Variants in CCDC30 observed in about 807,000 individuals in gnomAD.
CCDC30 encodes coiled-coil domain containing 30, also known as coiled-coil domain-containing protein 30.
Under a neutral mutation model 100.2 loss-of-function variants are expected in CCDC30, and 70 were observed. The observed-to-expected ratio is 0.70, with a 90% CI of 0.58 to 0.85. The LOEUF is 0.85. CCDC30 is among the 40% of genes least tolerant of loss of function. CCDC30 has a pLI of 0.00. For synonymous variants in CCDC30, 233 were observed against 269.5 expected (o/e 0.86, Z 1.33); for missense variants, 652 against 771.2 (o/e 0.85, Z 1.83).
At chr1:42,530,340 T>C (rs1397930686) in intron 6 of CCDC30, among the ~76,000 whole-genome samples, 18 of 152,206 alleles carry the variant, frequency 1.2e-4, no homozygotes, top group Admixed American at 1.2e-3. Context: ...TTATTATTAT[T>C]GTTGCTAATC....
chr1:42,639,655 T>C (rs756593311), intron 12 of CCDC30, among the ~76,000 whole-genome samples: 1 of 152,232 alleles, frequency 6.6e-6, no homozygotes, highest in Non-Finnish European at 1.5e-5. Context: ...GACAAGTCTC[T>C]GTGTATCACT....
chr1:42,502,680 TTTC>T (rs1644338345), intron 6 of CCDC30, among the ~76,000 whole-genome samples: 1 of 152,114 alleles, frequency 6.6e-6, no homozygotes, highest in South Asian at 2.1e-4. Context: ...TTAGTATCCA[TTTC>T]TTATTTTTCT....
intron 14 of CCDC30, among the ~76,000 whole-genome samples, chr1:42,645,414 A>T (rs1647805408): frequency 6.6e-6 from 1 of 152,036 alleles, no homozygotes; most frequent in African/African-American, 2.4e-5. Flanking sequence ...ATACAGAGAG[A>T]TGCAGAAAAT....
At chr1:42,566,162 A>G (rs1645601511) in intron 6 of CCDC30, 134 bp from the exon 11 acceptor site, 3 of 638,764 alleles carry the variant, frequency 4.7e-6, no homozygotes, top group Non-Finnish European at 8.2e-6. Context: ...AGTTTGCTGT[A>G]GATAAGCTAA....
intron 11 of CCDC30, among the ~76,000 whole-genome samples, chr1:42,625,463 G>T (rs1021670022): frequency 2.0e-5 from 3 of 151,780 alleles, no homozygotes; most frequent in African/African-American, 7.3e-5. Flanking sequence ...TGCATCATTA[G>T]ATTGTTTATT....
At chr1:42,538,452 C>A (rs1282323410) in intron 6 of CCDC30, among the ~76,000 whole-genome samples, 1 of 151,662 alleles carries the variant, frequency 6.6e-6, no homozygotes, top group African/African-American at 2.4e-5. Context: ...AGAGTTTAAG[C>A]TGTCCATCAT....
intron 6 of CCDC30, among the ~76,000 whole-genome samples, chr1:42,546,461 A>G (rs1260239649): frequency 1.4e-5 from 1 of 70,986 alleles, no homozygotes; most frequent in Non-Finnish European, 3.8e-5. Context: ...ATAAAAGGAT[A>G]TATATATATC....
intron 1 of CCDC30, among the ~76,000 whole-genome samples, chr1:42,464,941 C>T (rs1453349505): frequency 1.3e-5 from 2 of 151,994 alleles, no homozygotes; most frequent in Non-Finnish European, 2.9e-5. Flanking sequence ...TAGAATAGAT[C>T]GGAAAACAAA....
chr1:42,610,007 T>G (rs951965690), intron 10 of CCDC30, among the ~76,000 whole-genome samples: 8 of 152,224 alleles, frequency 5.3e-5, no homozygotes, highest in African/African-American at 1.9e-4. Flanking sequence ...TTTAGGACAC[T>G]CATAGAAGAT....
chr1:42,517,534 G>T (rs4603170), intron 6 of CCDC30, among the ~76,000 whole-genome samples: 19,798 of 152,174 alleles, frequency 0.13, 1,479 homozygotes, highest in East Asian at 0.19. Context: ...TTCTGCAAAA[G>T]AATTTTACAG....
intron 15 of CCDC30, among the ~76,000 whole-genome samples, chr1:42,648,269 C>G (rs923455703): frequency 6.6e-6 from 1 of 152,048 alleles, no homozygotes; most frequent in African/African-American, 2.4e-5. Flanking sequence ...CAACAAACAC[C>G]TATATCAAAA....
At chr1:42,456,450 A>G in the CCDC30 span, 4 of 1,129,244 alleles carry the variant, frequency 3.5e-6, no homozygotes, top group Non-Finnish European at 4.8e-6. Context: ...CCTAGTGTCA[A>G]AAGAAGGGTA....
chr1:42,493,758 A>G (rs999393865), intron 4 of CCDC30, among the ~76,000 whole-genome samples: 1 of 152,246 alleles, frequency 6.6e-6, no homozygotes, highest in Non-Finnish European at 1.5e-5. Context: ...GAATAATTCT[A>G]CACAATAAAA....
chr1:42,500,785 A>T (rs1340587908), intron 6 of CCDC30, among the ~76,000 whole-genome samples: 6 of 151,988 alleles, frequency 3.9e-5, no homozygotes, highest in Non-Finnish European at 5.9e-5. Flanking sequence ...ATTAGAGATG[A>T]TGTCTCACCA....
At chr1:42,602,401 CA>C (rs992474977) in intron 10 of CCDC30, among the ~76,000 whole-genome samples, 4 of 147,314 alleles carry the variant, frequency 2.7e-5, no homozygotes, top group Admixed American at 6.8e-5. Context: ...GCCAGGCTAA[CA>C]AAAAAAAAGA....
intron 4 of CCDC30, among the ~76,000 whole-genome samples, chr1:42,496,306 T>C (rs1644231595): frequency 6.6e-6 from 1 of 152,146 alleles, no homozygotes; most frequent in African/African-American, 2.4e-5. Flanking sequence ...TAGCTCCTTC[T>C]AGCCCCATGT....
At chr1:42,617,559 C>A (rs1646749555) in intron 11 of CCDC30, among the ~76,000 whole-genome samples, 1 of 151,928 alleles carries the variant, frequency 6.6e-6, no homozygotes, top group South Asian at 2.1e-4. Flanking sequence ...AATCAGTCTC[C>A]CCAAAAATTT....
chr1:42,636,895 G>A (rs1333942044), intron 11 of CCDC30, among the ~76,000 whole-genome samples: 1 of 148,048 alleles, frequency 6.8e-6, no homozygotes, highest in East Asian at 2.0e-4. Flanking sequence ...GAACCCAGGA[G>A]GTGGAGGTTG....
At position 42,622,281 on chromosome 1, in the gene CCDC30, C is replaced by T. The variant is rs144846473; in HGVS notation, c.1277+11191C>T. ...AATGACAGGATCTCATTCTTTTTTA[C>T]GGCTGAATAGTATTCCATTATGTAT... On this transcript the variant is annotated intron_variant, in intron 11 of 16. Transcript: ENST00000668663. 6.7e-3 allele frequency among the ~76,000 whole-genome samples: 1,017 copies of T among 152,198 alleles called. 15 individuals carry two copies. The highest frequency in any genetic ancestry group is 0.023 in the African/African-American group (975 of 41,522).
Sources: allele counts gnomAD v4.1 joint callset (sites outside exome capture counted in the v4.1 genomes callset), GRCh38; gene constraint gnomAD v4.1.1; transcripts MANE v1.5; gene names NCBI Gene and HGNC (gene_info 2026-07-23, HGNC 2026-07-21).